SRRM4: variants seen among roughly 807,000 people sequenced by gnomAD.
SRRM4 encodes serine/arginine repetitive matrix 4.
SRRM4 carries 33 observed loss-of-function variants against 68.9 expected under a neutral mutation model. The observed-to-expected ratio is 0.48, with a 90% CI of 0.36 to 0.64. SRRM4 has a LOEUF of 0.64. SRRM4 is among the 30% of genes least tolerant of loss of function. The pLI is 0.00. For missense variants in SRRM4, 817 were observed against 827.1 expected, an observed-to-expected ratio of 0.99 and a Z score of 0.15; for synonymous variants, 318 against 318.8, an observed-to-expected ratio of 1.00 and a Z score of 0.03.
chr12:119,002,564 T>C (rs1294719703), intron 1 of SRRM4, among the ~76,000 whole-genome samples: 2 of 152,214 alleles, frequency 1.3e-5, no homozygotes, highest in Non-Finnish European at 2.9e-5. Flanking sequence ...ATTTGAAGTG[T>C]TTATTTCCCA....
chr12:119,136,044 T>TCCCCAAG (rs1328551437), intron 8 of SRRM4, among the ~76,000 whole-genome samples: 1 of 152,216 alleles, frequency 6.6e-6, no homozygotes, highest in African/African-American at 2.4e-5. Flanking sequence ...AGTATCCCAA[T>TCCCCAAG]GCTTGGGACA....
chr12:119,127,736 A>AAAAG (rs10693050), intron 7 of SRRM4, among the ~76,000 whole-genome samples: 64,058 of 142,278 alleles, frequency 0.45, 15,058 homozygotes, highest in East Asian at 0.64. Context: ...CTCAAAAAAA[A>AAAAG]AAAAGAAAAG....
intron 1 of SRRM4, among the ~76,000 whole-genome samples, chr12:119,096,043 T>G (rs928346365): frequency 2.0e-5 from 3 of 151,498 alleles, no homozygotes; most frequent in Admixed American, 1.3e-4. Flanking sequence ...TATTTTTTTA[T>G]GGAGTCTTGC....
At chr12:119,123,924 T>A (rs763843232) in intron 6 of SRRM4, among the ~76,000 whole-genome samples, 1 of 152,046 alleles carries the variant, frequency 6.6e-6, no homozygotes, top group Non-Finnish European at 1.5e-5. Flanking sequence ...CTGGGCATTG[T>A]GGGAACACAG....
intron 1 of SRRM4, among the ~76,000 whole-genome samples, chr12:119,012,090 G>A (rs2135997762): frequency 6.6e-6 from 1 of 152,308 alleles, no homozygotes; most frequent in South Asian, 2.1e-4. Flanking sequence ...ACAGTGTCCT[G>A]ATATAAATCA....
chr12:119,082,688 C>A (rs372661151), intron 1 of SRRM4, among the ~76,000 whole-genome samples: 84 of 152,318 alleles, frequency 5.5e-4, no homozygotes, highest in African/African-American at 2.0e-3. Flanking sequence ...CAGCCCCACC[C>A]TGGGCCTCCA....
At chr12:119,150,243 G>A (rs906606162) in intron 9 of SRRM4, among the ~76,000 whole-genome samples, 9 of 152,284 alleles carry the variant, frequency 5.9e-5, no homozygotes, top group South Asian at 2.1e-4. Context: ...AGGCCAAGGC[G>A]GGTGGATCAT....
At chr12:119,013,657 T>C (rs1469012767) in intron 1 of SRRM4, among the ~76,000 whole-genome samples, 1 of 152,204 alleles carries the variant, frequency 6.6e-6, no homozygotes, top group Non-Finnish European at 1.5e-5. Flanking sequence ...TATGACTGCA[T>C]TTAGAACTAC....
Position 119,154,496 on chromosome 12 carries a change from T to G in SRRM4, c.1532+113T>G. The G allele has an allele frequency of 8.1e-7, 1 of 1,228,512 alleles. No individual in the cohort carries two copies. The highest frequency in any genetic ancestry group is 1.1e-6 in the Non-Finnish European group (1 of 879,854). The allele number at this position is 1,228,512 out of a possible 1,614,324, so 76.1% of individuals were successfully genotyped here. A position where few individuals can be genotyped will look rare whatever the true frequency, so the allele number is the denominator to read the frequency against. ...TCCTTGGGGCTGGGATTTAGGATTG[T>G]GCGAGCTTATGGTCCCCCCAACCCC... On this transcript the variant is annotated intron_variant, in intron 12 of 12. Transcript: ENST00000267260. This position sits in a 1 kb window ranked among gnomAD's most constrained non-coding sequence, Gnocchi z 4.7.
intron 1 of SRRM4, among the ~76,000 whole-genome samples, chr12:119,073,325 G>GT (rs1565902231): frequency 3.5e-5 from 4 of 114,208 alleles, no homozygotes; most frequent in Non-Finnish European, 7.0e-5. Flanking sequence ...TTTTTTTTTT[G>GT]TTTGTTTGTT....
chr12:119,091,895 T>A (rs1276102188), intron 1 of SRRM4, among the ~76,000 whole-genome samples: 1 of 152,172 alleles, frequency 6.6e-6, no homozygotes, highest in African/African-American at 2.4e-5. Flanking sequence ...ACCTGCTGCA[T>A]CCCTTCCTCT....
intron 1 of SRRM4, among the ~76,000 whole-genome samples, chr12:119,081,993 A>G (rs1953951845): frequency 1.3e-5 from 2 of 152,198 alleles, no homozygotes; most frequent in Non-Finnish European, 2.9e-5. Flanking sequence ...TTAGTAGCAA[A>G]GCCATGACAG....
At chr12:119,078,268 A>T (rs1028993217) in intron 1 of SRRM4, among the ~76,000 whole-genome samples, 3 of 152,208 alleles carry the variant, frequency 2.0e-5, no homozygotes, top group African/African-American at 7.2e-5. Flanking sequence ...CCATTTGCCC[A>T]CTAGTTGTGT....
At chr12:119,080,946 G>A (rs1338243862) in intron 1 of SRRM4, among the ~76,000 whole-genome samples, 1 of 152,118 alleles carries the variant, frequency 6.6e-6, no homozygotes, top group African/African-American at 2.4e-5. Flanking sequence ...GCCCCAATCC[G>A]CACCTTTCTT....
At chr12:119,125,621 G>GT in intron 7 of SRRM4, 142 bp downstream of exon 7, 1 of 700,416 alleles carries the variant, frequency 1.4e-6, no homozygotes, top group Non-Finnish European at 2.3e-6. Context: ...CCACTTCCCT[G>GT]TAGAGAAAGG....
intron 1 of SRRM4, among the ~76,000 whole-genome samples, chr12:119,065,567 T>C (rs901528871): frequency 4.6e-5 from 7 of 152,100 alleles, no homozygotes; most frequent in Non-Finnish European, 8.8e-5. Flanking sequence ...AAACCCCGTC[T>C]CTACTAAAAA....
chr12:119,086,984 G>A (rs79675602), intron 1 of SRRM4, among the ~76,000 whole-genome samples: 1,726 of 152,294 alleles, frequency 0.011, 38 homozygotes, highest in African/African-American at 0.04. Context: ...TGCCCAAGGT[G>A]GGAGGCAGTG....
At chr12:119,041,609 G>T (rs779365872) in intron 1 of SRRM4, among the ~76,000 whole-genome samples, 1 of 152,202 alleles carries the variant, frequency 6.6e-6, no homozygotes, top group Non-Finnish European at 1.5e-5. Flanking sequence ...CAGGTGATAA[G>T]GTGAAGCCTG....
At position 119,023,014 on chromosome 12, in the gene SRRM4, C is replaced by A. The variant is rs142491486; in HGVS notation, c.131+41001C>A. 2.0e-3 allele frequency among the ~76,000 whole-genome samples: 302 copies of A among 152,206 alleles called. 1 individual carries two copies. The highest frequency in any genetic ancestry group is 6.9e-3 in the African/African-American group (287 of 41,518). ...GAACAAACAAAGCCCTCTCTTGAAG[C>A]CCCCCAGAATTATACTCCGTACTTT... On this transcript the variant is annotated intron_variant, in intron 1 of 12. Transcript: ENST00000267260.
Sources: allele counts gnomAD v4.1 joint callset (sites outside exome capture counted in the v4.1 genomes callset), GRCh38; gene constraint gnomAD v4.1.1; non-coding constraint Gnocchi (gnomAD v3.1); transcripts MANE v1.5; gene names NCBI Gene and HGNC (gene_info 2026-07-23, HGNC 2026-07-21).